Variants in GABRA3 observed in about 807,000 individuals in gnomAD.
GABRA3 encodes gamma-aminobutyric acid type A receptor subunit alpha3.
GABRA3 carries 10 observed loss-of-function variants against 30.1 expected under a neutral mutation model. The observed-to-expected ratio is 0.33, with a 90% CI of 0.20 to 0.56. The LOEUF (loss-of-function observed/expected upper bound fraction) is 0.56. GABRA3 is among the 20% of genes least tolerant of loss of function. The pLI, the probability that GABRA3 is intolerant of heterozygous loss-of-function variation, is 0.89. For synonymous variants in GABRA3, 151 were observed against 146.8 expected, an observed-to-expected ratio of 1.03 and a Z score of -0.21; for missense variants, 233 against 392.0, an observed-to-expected ratio of 0.59 and a Z score of 3.42.
At chrX:152,312,700 C>T (rs1346721137) in intron 3 of GABRA3, among the ~76,000 whole-genome samples, 1 of 111,687 alleles carries the variant, frequency 9.0e-6, no homozygotes, top group African/African-American at 3.3e-5. Context: ...GGACAGCCTA[C>T]AGAATGGGAA....
intron 1 of GABRA3, among the ~76,000 whole-genome samples, chrX:152,420,887 G>C (rs1284179159): frequency 9.1e-6 from 1 of 110,336 alleles, no homozygotes; most frequent in East Asian, 2.9e-4. Context: ...TGTCAAGGTC[G>C]GGACCAGGTG....
Position 152,356,669 on chromosome X carries a change from G to T in GABRA3, c.140+7762C>A. ...GGTAAATTATATGTCATGAGGGTTG[G>T]TGTACAGATATTTCGTCACCCAGGT... On this transcript the variant is annotated intron_variant, in intron 2 of 9. Transcript: ENST00000370314. Among the ~76,000 whole-genome samples the T allele has an allele frequency of 2.7e-5, 3 of 111,060 alleles. No homozygotes were observed. In the Middle Eastern group the frequency reaches 0.014, roughly 509 times the overall value.
intron 1 of GABRA3, chrX:152,393,606 A>G (rs746959811): frequency 2.7e-5 from 7 of 259,040 alleles, no homozygotes; most frequent in African/African-American, 2.1e-4. Flanking sequence ...TAAAGGAAAC[A>G]TAACACATGA....
rs1039445825 is a variant in GABRA3 at position 152,249,650 on chromosome X, T to C, written c.551+6128A>G. On this transcript the variant is annotated intron_variant, in intron 5 of 9. Coordinates refer to ENST00000370314, the MANE Select transcript of GABRA3 (RefSeq NM_000808.4). ...CTTTAGTGGATCCTCATCATGTTTA[T>C]GCCAACATAGCGTATAAGCCCCTCT... Among the ~76,000 whole-genome samples the C allele has an allele frequency of 2.7e-5, 3 of 110,768 alleles. No homozygotes were observed. In the South Asian group the frequency reaches 1.1e-3, roughly 42 times the overall value.
intron 5 of GABRA3, among the ~76,000 whole-genome samples, chrX:152,239,282 G>A (rs1181779254): frequency 9.4e-6 from 1 of 106,434 alleles, no homozygotes; most frequent in Non-Finnish European, 1.9e-5. Flanking sequence ...AGGTTGTTCA[G>A]TTTCCATGTA....
chrX:152,190,717 T>A (rs1186939817), intron 8 of GABRA3, among the ~76,000 whole-genome samples: 2 of 110,413 alleles, frequency 1.8e-5, no homozygotes, highest in Non-Finnish European at 1.9e-5. Context: ...TATTCCGAAA[T>A]CTGTTTCTTG....
chrX:152,231,418 C>T lies in GABRA3; in HGVS notation c.552-6573G>A, dbSNP rs368170291. ...GCTAATAAGCACATGAAAAGATGTT[C>T]GACATTAGTCATTTAAAAAATGCAA... On this transcript the variant is annotated intron_variant, in intron 5 of 9. Coordinates refer to ENST00000370314, the MANE Select transcript of GABRA3 (RefSeq NM_000808.4). 5.5e-5 allele frequency among the ~76,000 whole-genome samples: 6 copies of T among 109,543 alleles called. No homozygotes were observed. In the South Asian group the frequency reaches 1.1e-3, roughly 21 times the overall value.
chrX:152,206,286 C>T (rs1420466043), intron 7 of GABRA3, among the ~76,000 whole-genome samples: 1 of 112,501 alleles, frequency 8.9e-6, no homozygotes. Context: ...CCTGGGGCCC[C>T]CTCTTTTCCC....
At position 152,324,790 on chromosome X, in the gene GABRA3, C is replaced by T. The variant is rs764903936; in HGVS notation, c.262+20791G>A. On this transcript the variant is annotated intron_variant, in intron 3 of 9. Transcript: ENST00000370314. ...ATAATATATAAGGTGAAATTTAATA[C>T]GGATAAATAGAAATTCTTGCATTTG... Among the ~76,000 whole-genome samples the T allele has an allele frequency of 1.3e-4, 14 of 111,191 alleles. No individual in the cohort carries two copies. In the South Asian group the frequency reaches 1.5e-3, roughly 12 times the overall value.
chrX:152,208,078 G>A lies in GABRA3; in HGVS notation c.701C>T (p.Ala234Val). 3 of 1,211,029 alleles carry A rather than the reference G, an allele frequency of 2.5e-6. No individual in the cohort carries two copies. Among genetic ancestry groups the A allele is most frequent in the Non-Finnish European group, 2.2e-6 (2 of 894,724 alleles). Residue 234 changes from alanine to valine, a missense_variant, in exon 7 of 10, where the codon GCA (alanine) becomes GTA (valine). Around this residue, in one of 6 missense-constraint regions of GABRA3, gnomAD observed 42 missense variants for 116.2 expected, o/e 0.36. Coordinates refer to ENST00000370314, the MANE Select transcript of GABRA3 (RefSeq NM_000808.4). The stretch of plus-strand genomic sequence containing the variant: ...CTGGTTCAAGCGAGAACCATCCTGT[G>A]CCACTTCCACGGATTTGTTCTTTCC... The part of the protein sequence containing the change: ...TLGKNKSVEV[A>V]QDGSRLNQYD...
chrX:152,415,386 C>A (rs1019134376), intron 1 of GABRA3, among the ~76,000 whole-genome samples: 4 of 110,980 alleles, frequency 3.6e-5, no homozygotes, highest in African/African-American at 9.8e-5. Context: ...TATATAATTA[C>A]AATTATGTAA....
At chrX:152,182,096 AT>A (rs1394076325) in intron 9 of GABRA3, among the ~76,000 whole-genome samples, 2 of 110,094 alleles carry the variant, frequency 1.8e-5, no homozygotes, top group African/African-American at 6.6e-5. Flanking sequence ...TCATGAAAGA[AT>A]GTTGAATTTT....
chrX:152,240,654 T>C (rs1373765631), intron 5 of GABRA3, among the ~76,000 whole-genome samples: 1 of 99,280 alleles, frequency 1.0e-5, no homozygotes, highest in Non-Finnish European at 1.9e-5. Flanking sequence ...GATTTGGTCT[T>C]TTCACATAGT....
intron 9 of GABRA3, among the ~76,000 whole-genome samples, chrX:152,170,878 T>C (rs1985435224): frequency 8.9e-6 from 1 of 111,910 alleles, no homozygotes; most frequent in Non-Finnish European, 1.9e-5. Flanking sequence ...GCAATATTCT[T>C]TCTCCCTGGG....
intron 1 of GABRA3, among the ~76,000 whole-genome samples, chrX:152,414,143 T>C (rs1016331996): frequency 4.5e-5 from 5 of 111,359 alleles, no homozygotes; most frequent in African/African-American, 1.6e-4. Context: ...CCCAAAGAAA[T>C]GGAATTTTAT....
chrX:152,233,874 G>T (rs376235731), intron 5 of GABRA3, among the ~76,000 whole-genome samples: 3 of 107,143 alleles, frequency 2.8e-5, no homozygotes, highest in Non-Finnish European at 3.9e-5. Context: ...CCATAAAAAA[G>T]GATGAGTTCA....
At chrX:152,216,686 G>A (rs1420848829) in intron 6 of GABRA3, among the ~76,000 whole-genome samples, 2 of 109,459 alleles carry the variant, frequency 1.8e-5, no homozygotes, top group Non-Finnish European at 3.8e-5. Flanking sequence ...AATGGAGGGA[G>A]ATTGATTAAT....
chrX:152,392,902 G>C (rs1167352025), intron 1 of GABRA3, among the ~76,000 whole-genome samples: 2 of 111,874 alleles, frequency 1.8e-5, no homozygotes, highest in Non-Finnish European at 3.8e-5. Context: ...CCTTATACAA[G>C]AGCCACGGTA....
intron 8 of GABRA3, among the ~76,000 whole-genome samples, chrX:152,193,724 C>T (rs755202266): frequency 2.7e-5 from 3 of 112,583 alleles, no homozygotes; most frequent in South Asian, 3.7e-4. Context: ...TTAGGCCGGG[C>T]GTGGTGGCTC....
Sources: allele counts gnomAD v4.1 joint callset (sites outside exome capture counted in the v4.1 genomes callset), GRCh38; gene constraint gnomAD v4.1.1; regional missense constraint gnomAD v4.1.1; transcripts MANE v1.5; gene names NCBI Gene and HGNC (gene_info 2026-07-23, HGNC 2026-07-21).